Variants in SEC24B observed in about 807,000 individuals in gnomAD.
The protein encoded by SEC24B is SEC24 homolog B, COPII component.
A neutral mutation model predicts 142.8 loss-of-function variants in SEC24B; 45 were observed. That is an observed-to-expected ratio of 0.32 (90% CI 0.25 to 0.40). The LOEUF (loss-of-function observed/expected upper bound fraction) is 0.40. Among genes scored for constraint, SEC24B ranks in the 10% least tolerant of loss-of-function variants. SEC24B has a pLI of 1.00. For missense variants in SEC24B, 1,409 were observed against 1,526.8 expected (o/e 0.92, Z 1.29); for synonymous variants, 574 against 568.2 (o/e 1.01, Z -0.15).
chr4:109,497,515 T>G (rs1217063323), intron 6 of SEC24B, among the ~76,000 whole-genome samples: 1 of 151,910 alleles, frequency 6.6e-6, no homozygotes, highest in Non-Finnish European at 1.5e-5. Flanking sequence ...AGCCAAAATA[T>G]TTAGAAGTAG....
intron 3 of SEC24B, among the ~76,000 whole-genome samples, chr4:109,475,992 T>C (rs999461639): frequency 2.0e-4 from 16 of 80,232 alleles, no homozygotes; most frequent in African/African-American, 8.1e-4. Flanking sequence ...CTCTCTCTCT[T>C]TTTTTTTTTT....
At chr4:109,476,590 G>C (rs897168093) in intron 3 of SEC24B, among the ~76,000 whole-genome samples, 2 of 152,116 alleles carry the variant, frequency 1.3e-5, no homozygotes, top group African/African-American at 4.8e-5. Context: ...GTATCATTCT[G>C]TTTTGCTTTA....
intron 1 of SEC24B, among the ~76,000 whole-genome samples, chr4:109,435,955 G>A (rs1392972967): frequency 6.6e-6 from 1 of 152,170 alleles, no homozygotes; most frequent in Non-Finnish European, 1.5e-5. Context: ...TGAAAGTGCA[G>A]GGCATGCTTG....
chr4:109,526,231 T>C lies in SEC24B; in HGVS notation c.2797T>C (p.Ser933Pro). 6.2e-7 allele frequency: 1 copy of C among 1,613,434 alleles called. No homozygotes were observed. The highest frequency in any genetic ancestry group is 8.5e-7 in the Non-Finnish European group (1 of 1,179,776). Residue 933 changes from serine (S) to proline (P), a missense_variant, in exon 17 of 24, where the codon TCA becomes CCA. Ser to Pro is a moderately conservative substitution (Grantham distance 74). This residue lies in a region of SEC24B where 700 missense variants were observed against 853.3 expected (regional missense o/e 0.82). Coordinates refer to ENST00000265175, the MANE Select transcript of SEC24B (RefSeq NM_006323.5). ...VMRIRCTKGL[S>P]MHTFHGNFFV... The stretch of plus-strand genomic sequence containing the variant: ...TATGATTTTCTCCTTTTTAGGTCTT[T>C]CAATGCACACTTTTCACGGTAACTT...
At chr4:109,450,348 C>T (rs952872801) in intron 1 of SEC24B, among the ~76,000 whole-genome samples, 5 of 151,954 alleles carry the variant, frequency 3.3e-5, no homozygotes, top group African/African-American at 1.2e-4. Context: ...GTTATTCTAC[C>T]ATTCTCTTTC....
intron 1 of SEC24B, among the ~76,000 whole-genome samples, chr4:109,449,851 C>T (rs562231957): frequency 6.6e-6 from 1 of 152,112 alleles, no homozygotes; most frequent in South Asian, 2.1e-4. Flanking sequence ...GGTTCTTCCT[C>T]TGTGAGGTTA....
rs1430312364 is a variant in SEC24B at position 109,527,339 on chromosome 4, G to A, written c.2983G>A (p.Val995Ile). The change falls in exon 18 of 24, where the codon GTA (valine) becomes ATA (isoleucine). Residue 995 changes from valine to isoleucine, a missense_variant. Physicochemically the swap from Val to Ile is conservative, Grantham distance 29. Transcript: ENST00000265175. ...TTTTTTAGGTGAGCGGAGAATTAGA[G>A]TACATACACTTTGTTTGCCAGTGGT... ...TSSKGERRIR[V>I]HTLCLPVVSS... The A allele has an allele frequency of 1.2e-6, 2 of 1,611,498 alleles. No individual in the cohort carries two copies. Among genetic ancestry groups the A allele is most frequent in the South Asian group, 1.1e-5 (1 of 90,790 alleles).
chr4:109,437,111 G>A (rs1214395251), intron 1 of SEC24B, among the ~76,000 whole-genome samples: 1 of 152,112 alleles, frequency 6.6e-6, no homozygotes, highest in Admixed American at 6.6e-5. Flanking sequence ...TTGTGGGACT[G>A]AACCCTTAAT....
chr4:109,531,177 A>C (rs566665217), intron 19 of SEC24B, among the ~76,000 whole-genome samples: 1 of 152,056 alleles, frequency 6.6e-6, no homozygotes, highest in African/African-American at 2.4e-5. Context: ...TATTTTCCCT[A>C]TTTTTCTCAT....
At chr4:109,527,101 C>T (rs986753733) in intron 17 of SEC24B, among the ~76,000 whole-genome samples, 1 of 151,778 alleles carries the variant, frequency 6.6e-6, no homozygotes, top group Non-Finnish European at 1.5e-5. Flanking sequence ...CACCTGTAAT[C>T]CCAGCTACTT....
intron 22 of SEC24B, among the ~76,000 whole-genome samples, chr4:109,534,832 A>G (rs1224074061): frequency 1.3e-5 from 2 of 152,070 alleles, no homozygotes; most frequent in Non-Finnish European, 2.9e-5. Context: ...ATGCCACCAC[A>G]CTTGGCTAAT....
At chr4:109,526,175 A>T (rs757878604) in intron 16 of SEC24B, 51 bp from the exon 17 acceptor site, 5 of 1,525,282 alleles carry the variant, frequency 3.3e-6, no homozygotes, top group Non-Finnish European at 4.5e-6. Context: ...CTTTAGCTTG[A>T]GGTGAAGATA....
rs1337038325 is a variant in SEC24B, at chr4:109,539,740, C to T, written c.*65C>T. On this transcript the variant is annotated 3_prime_UTR_variant, in exon 24 of 24. Coordinates refer to ENST00000265175, the MANE Select transcript of SEC24B (RefSeq NM_006323.5). ...GGTAAAGCATAATCTGTCAGAGAAGCGCGTGAGAAATTTGAAATGAAGGCA... is the reference window on the plus strand; with the variant it reads ...GGTAAAGCATAATCTGTCAGAGAAGTGCGTGAGAAATTTGAAATGAAGGCA... 9.4e-6 allele frequency: 10 copies of T among 1,064,536 alleles called. No homozygotes were observed. Among genetic ancestry groups the T allele is most frequent in the South Asian group, 4.1e-5 (3 of 73,906 alleles). The allele number at this position is 1,064,536 out of a possible 1,614,324, so 65.9% of individuals were successfully genotyped here.
At chr4:109,467,170 C>CAAAAA (rs1266033935) in intron 2 of SEC24B, among the ~76,000 whole-genome samples, 9 of 151,084 alleles carry the variant, frequency 6.0e-5, no homozygotes, top group Non-Finnish European at 1.0e-4. Context: ...ACTAAAAATA[C>CAAAAA]AAAAAATTAG....
At chr4:109,486,125 A>G (rs1224944760) in intron 4 of SEC24B, among the ~76,000 whole-genome samples, 1 of 152,156 alleles carries the variant, frequency 6.6e-6, no homozygotes. Flanking sequence ...TCTTGCTAAT[A>G]TCTGTTATAC....
chr4:109,440,239 T>G (rs1240133819), intron 1 of SEC24B, among the ~76,000 whole-genome samples: 1 of 152,246 alleles, frequency 6.6e-6, no homozygotes, highest in Non-Finnish European at 1.5e-5. Flanking sequence ...CAGTGTCTTT[T>G]CACTCCCTTC....
intron 1 of SEC24B, among the ~76,000 whole-genome samples, chr4:109,452,967 G>C (rs1294150202): frequency 6.6e-6 from 1 of 152,158 alleles, no homozygotes; most frequent in Admixed American, 6.5e-5. Context: ...GTTTCCCTAA[G>C]TGTCAGCTGG....
At chr4:109,483,005 T>TAC (rs1277426270) in intron 4 of SEC24B, among the ~76,000 whole-genome samples, 1 of 83,224 alleles carries the variant, frequency 1.2e-5, no homozygotes, top group African/African-American at 5.5e-5. Context: ...CACACACACA[T>TAC]ATTATACATA....
At position 109,444,640 on chromosome 4, in the gene SEC24B, G is replaced by A. The variant is rs549526320; in HGVS notation, c.133+10638G>A. Among the ~76,000 whole-genome samples the A allele has an allele frequency of 1.2e-4, 18 of 152,210 alleles. No individual in the cohort carries two copies. The East Asian group carries it at 2.5e-3, about 21-fold the overall frequency. ...ATGCTACTGAGACAGATATGTCCTG[G>A]GGGTAGATCTTGTGATAATTTAGTC... On this transcript the variant is annotated intron_variant, in intron 1 of 23. Transcript: ENST00000265175.
Sources: allele counts gnomAD v4.1 joint callset (sites outside exome capture counted in the v4.1 genomes callset), GRCh38; gene constraint gnomAD v4.1.1; regional missense constraint gnomAD v4.1.1; transcripts MANE v1.5; gene names NCBI Gene and HGNC (gene_info 2026-07-23, HGNC 2026-07-21).